ACCSL: variants seen among roughly 807,000 people sequenced by gnomAD.
ACCSL encodes the protein 1-aminocyclopropane-1-carboxylate synthase homolog (inactive) like, also known as probable inactive 1-aminocyclopropane-1-carboxylate synthase-like protein 2.
A neutral mutation model predicts 61.7 loss-of-function variants in ACCSL; 55 were observed. That is an observed-to-expected ratio of 0.89 (90% CI 0.72 to 1.12). ACCSL has a LOEUF of 1.12. ACCSL is among the 50% of genes most tolerant of loss of function. The pLI is 0.00. For missense variants in ACCSL, 632 were observed against 698.0 expected, an observed-to-expected ratio of 0.91 and a Z score of 1.07; for synonymous variants, 258 against 264.3, an observed-to-expected ratio of 0.98 and a Z score of 0.23.
chr11:44,055,280 G>A lies in ACCSL; in HGVS notation c.1128G>A (p.Leu376=). Residue 376 remains leucine, a synonymous_variant, in exon 9 of 14, where the codon CTG becomes CTA. Transcript: ENST00000378832. ...FDESITFHSI[L]SMKSLPDSNR... is the part of the protein sequence containing the mutation. ...AATCCATCACATTCCACAGCATTCT[G>A]AGCATGAAAAGGTGAGCTGGTCTCA... The A allele has an allele frequency of 2.5e-6, 4 of 1,612,598 alleles. No homozygotes were observed. Among genetic ancestry groups the A allele is most frequent in the East Asian group, 2.2e-5 (1 of 44,858 alleles).
the ACCSL span, among the ~76,000 whole-genome samples, chr11:43,939,393 C>A: frequency 6.6e-6 from 1 of 152,144 alleles, no homozygotes; most frequent in Non-Finnish European, 1.5e-5. Flanking sequence ...CTACAAAGTA[C>A]AGTGGTTTTA....
the ACCSL span, among the ~76,000 whole-genome samples, chr11:43,937,558 GT>G: frequency 5.3e-5 from 8 of 152,170 alleles, no homozygotes; most frequent in African/African-American, 1.9e-4. Flanking sequence ...ATGTCTTCCT[GT>G]TTTCCTCCTA....
chr11:44,037,871 GCATC>G, the ACCSL span, among the ~76,000 whole-genome samples: 46 of 149,380 alleles, frequency 3.1e-4, no homozygotes, highest in Middle Eastern at 3.5e-3. Flanking sequence ...ATCCATCCAT[GCATC>G]CATCCATCCA....
chr11:44,012,436 G>A, the ACCSL span, among the ~76,000 whole-genome samples: 9 of 151,958 alleles, frequency 5.9e-5, no homozygotes, highest in African/African-American at 1.7e-4. Context: ...ACAGGTGCCC[G>A]CCACCATGTC....
chr11:43,994,035 A>G, the ACCSL span, among the ~76,000 whole-genome samples: 1 of 152,200 alleles, frequency 6.6e-6, no homozygotes, highest in Non-Finnish European at 1.5e-5. Flanking sequence ...ATGAATGTGC[A>G]TTTCTGACAG....
At chr11:43,926,584 A>G in the ACCSL span, 1 of 426,984 alleles carries the variant, frequency 2.3e-6, no homozygotes, top group Non-Finnish European at 4.6e-6. Context: ...AGTGCCTTCC[A>G]TTACAGATAG....
the ACCSL span, among the ~76,000 whole-genome samples, chr11:43,938,652 AATTAGCAGGGTGT>A: frequency 4.6e-5 from 7 of 152,044 alleles, no homozygotes; most frequent in African/African-American, 1.7e-4. Context: ...AAAATACAAA[AATTAGCAGGGTGT>A]GGTGGTGCAC....
chr11:43,988,688 C>T, the ACCSL span, among the ~76,000 whole-genome samples: 4 of 151,782 alleles, frequency 2.6e-5, no homozygotes, highest in East Asian at 2.0e-4. Flanking sequence ...GCAGGCCACT[C>T]GGTTCCACAC....
chr11:44,048,462 C>T lies in ACCSL; in HGVS notation c.426C>T (p.Ile142=). ...ACCTATCCATCCGTGGGATTGACAT[C>T]TCTGTCTTTTATCAGTCGAGCTTCC... ...NRDLSIRGID[I]SVFYQSSFQD... is the part of the protein sequence containing the mutation. The change falls in exon 1 of 14, where the codon ATC becomes ATT. Residue 142 remains isoleucine, a synonymous_variant. Coordinates refer to ENST00000378832, the MANE Select transcript of ACCSL (RefSeq NM_001031854.2). The T allele has an allele frequency of 1.2e-6, 2 of 1,612,650 alleles. No homozygotes were observed. Among genetic ancestry groups the T allele is most frequent in the Non-Finnish European group, 8.5e-7 (1 of 1,179,924 alleles).
At chr11:43,968,827 A>G in the ACCSL span, among the ~76,000 whole-genome samples, 1 of 152,160 alleles carries the variant, frequency 6.6e-6, no homozygotes, top group African/African-American at 2.4e-5. Context: ...TGCAGGAAGT[A>G]GGATGGGGTC....
chr11:44,050,730 T>C (rs1952631831), intron 3 of ACCSL, 108 bp downstream of exon 3: 1 of 984,426 alleles, frequency 1.0e-6, no homozygotes, highest in South Asian at 1.5e-5. Flanking sequence ...CCTATCTCTT[T>C]GGGTAATAAC....
chr11:44,036,893 C>A, the ACCSL span, among the ~76,000 whole-genome samples: 1 of 152,104 alleles, frequency 6.6e-6, no homozygotes, highest in Non-Finnish European at 1.5e-5. Context: ...GGGTTGGGGA[C>A]CTTTTGCAGT....
the ACCSL span, among the ~76,000 whole-genome samples, chr11:44,023,028 A>G: frequency 1.8e-3 from 184 of 100,404 alleles, no homozygotes; most frequent in African/African-American, 6.6e-3. Context: ...CAGATTTTCT[A>G]TTTCTTCTTC....
chr11:43,932,761 G>T, the ACCSL span, among the ~76,000 whole-genome samples: 4 of 152,184 alleles, frequency 2.6e-5, no homozygotes, highest in African/African-American at 9.7e-5. Flanking sequence ...AGGTGGATTT[G>T]AACCAAGCTG....
At chr11:43,957,675 G>T in the ACCSL span, among the ~76,000 whole-genome samples, 1 of 152,126 alleles carries the variant, frequency 6.6e-6, no homozygotes. Flanking sequence ...TTTCCTTCAG[G>T]CCCTGCTCTC....
At chr11:43,965,461 G>A in the ACCSL span, among the ~76,000 whole-genome samples, 6 of 152,128 alleles carry the variant, frequency 3.9e-5, no homozygotes, top group Non-Finnish European at 7.4e-5. Context: ...GAACACCTGA[G>A]TAAATGGAAC....
the ACCSL span, among the ~76,000 whole-genome samples, chr11:44,040,812 G>T: frequency 2.3e-4 from 35 of 152,266 alleles, no homozygotes; most frequent in Non-Finnish European, 4.3e-4. Context: ...GGTGGCTCAT[G>T]GATCCCCAAA....
the ACCSL span, among the ~76,000 whole-genome samples, chr11:43,927,802 G>A: frequency 1.3e-5 from 2 of 152,332 alleles, no homozygotes; most frequent in Admixed American, 1.3e-4. Flanking sequence ...CTGACTGTGT[G>A]CTGGGCCCTA....
the ACCSL span, among the ~76,000 whole-genome samples, chr11:43,996,785 T>A: frequency 6.6e-6 from 1 of 150,718 alleles, no homozygotes; most frequent in African/African-American, 2.4e-5. Flanking sequence ...GGGAGACTCA[T>A]GTTCCTCAAG....
Sources: gnomAD v4.1 joint callset for allele counts (sites outside exome capture counted in the v4.1 genomes callset) on GRCh38, gnomAD v4.1.1 for gene constraint, MANE v1.5 for transcripts, NCBI Gene and HGNC (gene_info 2026-07-23, HGNC 2026-07-21) for gene names.